Variants in MRTFB observed in about 807,000 individuals in gnomAD.
MRTFB encodes the protein myocardin related transcription factor B, also known as myocardin-related transcription factor B.
MRTFB carries 29 observed loss-of-function variants against 104.2 expected under a neutral mutation model. That is an observed-to-expected ratio of 0.28 (90% confidence interval 0.21 to 0.38). The LOEUF is 0.38. Among genes scored for constraint, MRTFB ranks in the 10% least tolerant of loss-of-function variants. The pLI, the probability that MRTFB is intolerant of heterozygous loss-of-function variation, is 1.00. For missense variants in MRTFB, 1,270 were observed against 1,341.6 expected (o/e 0.95, Z 0.83); for synonymous variants, 535 against 519.5 (o/e 1.03, Z -0.41).
chr16:14,250,249 T>C (rs2043199467), intron 13 of MRTFB, among the ~76,000 whole-genome samples: 1 of 152,220 alleles, frequency 6.6e-6, no homozygotes, highest in African/African-American at 2.4e-5. Context: ...GAGATTGTAC[T>C]GTTTGAGGTA....
At chr16:14,162,189 C>G (rs1325789862) in intron 3 of MRTFB, among the ~76,000 whole-genome samples, 2 of 150,848 alleles carry the variant, frequency 1.3e-5, no homozygotes, top group Non-Finnish European at 2.9e-5. Context: ...TTTTTAATAG[C>G]CAAGCATGGT....
intron 2 of MRTFB, among the ~76,000 whole-genome samples, chr16:14,101,792 C>G (rs1385672661): frequency 6.6e-6 from 1 of 151,920 alleles, no homozygotes; most frequent in Non-Finnish European, 1.5e-5. Context: ...TAAACTATTC[C>G]TTGTTTAAGA....
At chr16:14,145,312 C>T (rs2038254897) in intron 3 of MRTFB, among the ~76,000 whole-genome samples, 1 of 151,822 alleles carries the variant, frequency 6.6e-6, no homozygotes, top group African/African-American at 2.4e-5. Flanking sequence ...TATTCCTAGA[C>T]ATTTGAATTT....
At chr16:14,183,653 G>A (rs995870139) in intron 3 of MRTFB, among the ~76,000 whole-genome samples, 1 of 152,090 alleles carries the variant, frequency 6.6e-6, no homozygotes, top group South Asian at 2.1e-4. Flanking sequence ...AACACTTAGG[G>A]TAAAGAAGTA....
rs534647676 is a variant in MRTFB, at chr16:14,177,531, C to G, written c.155-32712C>G. On this transcript the variant is annotated intron_variant, in intron 3 of 16. Transcript: ENST00000571589. This position sits in a 1 kb window ranked among gnomAD's most constrained non-coding sequence, Gnocchi z 4.7. ...TTTAGTCTTAAGTATAGCATATAAT[C>G]TTAAAATCAAGGATATCTGAACTCC... 6.6e-5 allele frequency among the ~76,000 whole-genome samples: 10 copies of G among 152,182 alleles called. No individual in the cohort carries two copies. The highest frequency in any genetic ancestry group is 1.3e-4 in the Non-Finnish European group (9 of 68,004).
Position 14,186,004 on chromosome 16 carries a change from C to G in MRTFB, c.155-24239C>G, listed in dbSNP as rs536023392. Among the ~76,000 whole-genome samples the G allele has an allele frequency of 5.0e-4, 76 of 152,216 alleles. No individual in the cohort carries two copies. The South Asian group carries it at 7.5e-3, about 15-fold the overall frequency. ...AACTTAGGCTGGTCATTGGTTTACTCTGTTATGAAATAGAAGCTGTCAGTG... is the reference window on the plus strand; with the variant it reads ...AACTTAGGCTGGTCATTGGTTTACTGTGTTATGAAATAGAAGCTGTCAGTG... On this transcript the variant is annotated intron_variant, in intron 3 of 16. Coordinates refer to ENST00000571589, the MANE Select transcript of MRTFB (RefSeq NM_001308142.2).
intron 3 of MRTFB, among the ~76,000 whole-genome samples, chr16:14,209,166 C>T (rs1016675628): frequency 2.0e-5 from 3 of 152,198 alleles, no homozygotes; most frequent in African/African-American, 7.2e-5. Flanking sequence ...CTGCAGGCCT[C>T]AAGGTTTTAT....
intron 8 of MRTFB, among the ~76,000 whole-genome samples, chr16:14,232,987 G>A (rs2042332486): frequency 6.6e-6 from 1 of 152,198 alleles, no homozygotes; most frequent in Non-Finnish European, 1.5e-5. Context: ...GGTGGTGTAA[G>A]TAAGTCCAAG....
chr16:14,244,948 A>G (rs1226956547), intron 10 of MRTFB, among the ~76,000 whole-genome samples: 1 of 152,126 alleles, frequency 6.6e-6, no homozygotes, highest in Non-Finnish European at 1.5e-5. Context: ...TACTATCCTG[A>G]GTGTTTTTCT....
intron 3 of MRTFB, chr16:14,200,779 C>G (rs1295736327): frequency 6.8e-6 from 10 of 1,467,888 alleles, no homozygotes; most frequent in Non-Finnish European, 9.5e-6. Context: ...TGATACTTGC[C>G]TTCAGTGCAC....
chr16:14,044,692 A>G, the MRTFB span, among the ~76,000 whole-genome samples: 4 of 152,218 alleles, frequency 2.6e-5, no homozygotes, highest in Admixed American at 2.6e-4. Flanking sequence ...TAGAGGAACT[A>G]GAACCTGCCA....
chr16:14,076,864 A>G (rs1365583520), intron 1 of MRTFB, among the ~76,000 whole-genome samples: 2 of 152,198 alleles, frequency 1.3e-5, no homozygotes, highest in East Asian at 1.9e-4. Flanking sequence ...TAGTTTTAAT[A>G]TGCATTGCTT....
chr16:14,203,246 C>A (rs1435687992), intron 3 of MRTFB, among the ~76,000 whole-genome samples: 1 of 151,906 alleles, frequency 6.6e-6, no homozygotes, highest in East Asian at 1.9e-4. Context: ...GATAGCTGTT[C>A]ATCACCTCTC....
intron 4 of MRTFB, among the ~76,000 whole-genome samples, chr16:14,210,678 A>G (rs2041154957): frequency 6.6e-6 from 1 of 152,200 alleles, no homozygotes; most frequent in Non-Finnish European, 1.5e-5. Context: ...ATTAATTTAC[A>G]ATTTTTACTT....
chr16:14,161,560 C>G (rs938009103), intron 3 of MRTFB, among the ~76,000 whole-genome samples: 2 of 152,094 alleles, frequency 1.3e-5, no homozygotes, highest in Non-Finnish European at 2.9e-5. Flanking sequence ...ACACAAATAG[C>G]ACTACCCATA....
chr16:14,051,103 C>G, the MRTFB span, among the ~76,000 whole-genome samples: 1 of 152,136 alleles, frequency 6.6e-6, no homozygotes, highest in African/African-American at 2.4e-5. Flanking sequence ...TGGACACACA[C>G]AAACTCACAA....
At chr16:14,216,412 G>C (rs923589585) in intron 6 of MRTFB, among the ~76,000 whole-genome samples, 1 of 152,044 alleles carries the variant, frequency 6.6e-6, no homozygotes, top group Non-Finnish European at 1.5e-5. Flanking sequence ...ATTAACAAGA[G>C]TTACCAGAAA....
At chr16:14,162,927 A>C (rs543082016) in intron 3 of MRTFB, among the ~76,000 whole-genome samples, 1 of 152,244 alleles carries the variant, frequency 6.6e-6, no homozygotes. Flanking sequence ...TTAAATTTCA[A>C]TCTAACACCA....
intron 8 of MRTFB, among the ~76,000 whole-genome samples, chr16:14,228,112 A>G (rs1157512462): frequency 6.6e-6 from 1 of 152,244 alleles, no homozygotes; most frequent in African/African-American, 2.4e-5. Flanking sequence ...TACAATGGCT[A>G]CTATCAAAAG....
Sources: allele counts gnomAD v4.1 joint callset (sites outside exome capture counted in the v4.1 genomes callset), GRCh38; gene constraint gnomAD v4.1.1; non-coding constraint Gnocchi (gnomAD v3.1); transcripts MANE v1.5; gene names NCBI Gene and HGNC (gene_info 2026-07-23, HGNC 2026-07-21).